Variants in KLHL4 observed in about 807,000 individuals in gnomAD.
KLHL4 encodes the protein kelch-like protein 4.
KLHL4 carries 17 observed loss-of-function variants against 45.8 expected under a neutral mutation model. The ratio of observed to expected loss-of-function variants is 0.37; its 90% CI spans 0.25 to 0.56. The LOEUF is 0.56. Among genes scored for constraint, KLHL4 ranks in the 20% least tolerant of loss-of-function variants. The pLI is 0.79. For synonymous variants in KLHL4, 224 were observed against 189.9 expected, an observed-to-expected ratio of 1.18 and a Z score of -1.47; for missense variants, 544 against 544.9, an observed-to-expected ratio of 1.00 and a Z score of 0.02.
rs879238810 is a variant in KLHL4, at chrX:87,667,591, T to TA, written c.*1070dup. The TA allele has an allele frequency of 0.056, 23,215 of 418,154 alleles. 1 individual carries two copies. Among genetic ancestry groups the TA allele is most frequent in the Non-Finnish European group, 0.062 (21,263 of 340,946 alleles). The allele number at this position is 418,154 out of a possible 1,213,427, so 34.5% of individuals were successfully genotyped here. ...AAAATGTTAGGATATGTGTGCTATA[T>TA]AAAAAAAAAAAAAGACTTGTTAAGT... is the stretch of plus-strand genomic sequence containing the variant. On this transcript the variant is annotated 3_prime_UTR_variant, in exon 11 of 11. Transcript: ENST00000373119.
At chrX:87,546,274 G>A (rs192422753) in intron 1 of KLHL4, among the ~76,000 whole-genome samples, 3 of 111,501 alleles carry the variant, frequency 2.7e-5, no homozygotes, top group East Asian at 5.7e-4. Context: ...GCTTTGGGTA[G>A]CCTGACAGCT....
rs1921316033 is a variant in KLHL4, at chrX:87,582,473, C to T, written c.423-31404C>T. On this transcript the variant is annotated intron_variant, in intron 1 of 10. Transcript: ENST00000373119. ...AACCAGAACAAAGTCAGCTGATGGC[C>T]GTTCAGAAAGGGAACATTTAAACCA... is the stretch of plus-strand genomic sequence containing the variant. 2.7e-5 allele frequency among the ~76,000 whole-genome samples: 3 copies of T among 111,535 alleles called. No homozygotes were observed. In the Admixed American group the frequency reaches 2.8e-4, roughly 11 times the overall value.
intron 5 of KLHL4, among the ~76,000 whole-genome samples, chrX:87,623,786 C>T (rs764735517): frequency 1.1e-3 from 119 of 111,393 alleles, no homozygotes; most frequent in Admixed American, 2.6e-3. Flanking sequence ...AATTTTAGAT[C>T]CAGGGTTCTA....
rs182396532 is a variant in KLHL4, at chrX:87,595,167, C to T, written c.423-18710C>T. 3.6e-3 allele frequency among the ~76,000 whole-genome samples: 403 copies of T among 110,833 alleles called. 4 individuals carry two copies. The South Asian group carries it at 0.052, about 14-fold the overall frequency. On this transcript the variant is annotated intron_variant, in intron 1 of 10. Coordinates refer to ENST00000373119, the MANE Select transcript of KLHL4 (RefSeq NM_019117.5). Reference sequence around the variant, plus strand: ...GTATATCTCCTAATGCTATCCCTGCCCCCTCCCCCAACCCCACAACAGGCC... The same window carrying T: ...GTATATCTCCTAATGCTATCCCTGCTCCCTCCCCCAACCCCACAACAGGCC...
intron 5 of KLHL4, among the ~76,000 whole-genome samples, chrX:87,625,092 C>A (rs1479534240): frequency 8.9e-6 from 1 of 112,706 alleles, no homozygotes; most frequent in Non-Finnish European, 1.9e-5. Flanking sequence ...TTCAGCAATA[C>A]TTTCTATGAG....
intron 9 of KLHL4, among the ~76,000 whole-genome samples, chrX:87,638,308 G>C (rs1923336417): frequency 8.9e-6 from 1 of 111,801 alleles, no homozygotes; most frequent in Non-Finnish European, 1.9e-5. Context: ...GGCCTTGCTA[G>C]AGATCTAGAC....
chrX:87,590,300 C>T (rs1385406762), intron 1 of KLHL4, among the ~76,000 whole-genome samples: 1 of 109,222 alleles, frequency 9.2e-6, no homozygotes. Context: ...TAAAATCAGC[C>T]AAACCCCCCC....
chrX:87,624,296 T>C (rs966354742), intron 5 of KLHL4, among the ~76,000 whole-genome samples: 1 of 112,166 alleles, frequency 8.9e-6, no homozygotes, highest in Non-Finnish European at 1.9e-5. Context: ...ATAGGCAATG[T>C]CATGCAAATA....
intron 1 of KLHL4, among the ~76,000 whole-genome samples, chrX:87,597,687 A>G (rs867772322): frequency 6.3e-5 from 7 of 111,694 alleles, no homozygotes; most frequent in African/African-American, 2.3e-4. Flanking sequence ...ACTAAGGGCT[A>G]TACTAGGTGG....
intron 9 of KLHL4, among the ~76,000 whole-genome samples, chrX:87,637,751 C>T (rs781501520): frequency 9.0e-6 from 1 of 111,079 alleles, no homozygotes; most frequent in Non-Finnish European, 1.9e-5. Context: ...GAGTTTGAGA[C>T]CAGCCTGGCC....
chrX:87,619,376 G>C (rs1391439172), intron 4 of KLHL4, among the ~76,000 whole-genome samples: 1 of 110,988 alleles, frequency 9.0e-6, no homozygotes, highest in Non-Finnish European at 1.9e-5. Flanking sequence ...TCCCACCCTA[G>C]GTCCATTGCT....
chrX:87,667,212 T>A lies in KLHL4; in HGVS notation c.*678T>A, dbSNP rs368208304. 1.4e-6 allele frequency: 1 copy of A among 718,199 alleles called. No individual in the cohort carries two copies. The highest frequency in any genetic ancestry group is 2.3e-5 in the African/African-American group (1 of 42,566). The allele number at this position is 718,199 out of a possible 1,213,427, so 59.2% of individuals were successfully genotyped here. Reference sequence around the variant, plus strand: ...TGGTATTTCTTAACATATTATCTTGTTAGATTTGTTACCAGTAAAATATTA... The same window carrying A: ...TGGTATTTCTTAACATATTATCTTGATAGATTTGTTACCAGTAAAATATTA... On this transcript the variant is annotated 3_prime_UTR_variant, in exon 11 of 11. Transcript: ENST00000373119.
intron 1 of KLHL4, among the ~76,000 whole-genome samples, chrX:87,613,012 T>C (rs1364605957): frequency 9.0e-6 from 1 of 111,445 alleles, no homozygotes; most frequent in Non-Finnish European, 1.9e-5. Flanking sequence ...TGACTGAAGA[T>C]TTAAAGAGTG....
intron 9 of KLHL4, among the ~76,000 whole-genome samples, chrX:87,657,307 C>T (rs1182148090): frequency 1.8e-5 from 2 of 112,208 alleles, no homozygotes; most frequent in Non-Finnish European, 3.8e-5. Context: ...TCCTCAGCAC[C>T]ATGAAGAGGG....
rs1325051927 is a variant in KLHL4 at position 87,621,550 on chromosome X, C to T, written c.925-661C>T. Among the ~76,000 whole-genome samples the T allele has an allele frequency of 4.7e-5, 5 of 105,759 alleles. No individual in the cohort carries two copies. The East Asian group carries it at 8.8e-4, about 19-fold the overall frequency. The allele number at this position is 105,759 out of a possible 115,157, so 91.8% of individuals were successfully genotyped here. A position where few individuals can be genotyped will look rare whatever the true frequency, so the allele number is the denominator to read the frequency against. ...AAAAAAAAAATACGAAAATATTAGC[C>T]GGGGATAATATATAAATTTAAAAGA... On this transcript the variant is annotated intron_variant, in intron 4 of 10. Coordinates refer to ENST00000373119, the MANE Select transcript of KLHL4 (RefSeq NM_019117.5).
intron 1 of KLHL4, among the ~76,000 whole-genome samples, chrX:87,600,806 G>A (rs1397245487): frequency 8.9e-6 from 1 of 111,811 alleles, no homozygotes; most frequent in East Asian, 2.8e-4. Flanking sequence ...TTATTTCAGT[G>A]AGAAATACTG....
chrX:87,656,471 A>G (rs1430039742), intron 9 of KLHL4, among the ~76,000 whole-genome samples: 2 of 107,933 alleles, frequency 1.9e-5, no homozygotes, highest in African/African-American at 6.7e-5. Context: ...GGTCTAGTCT[A>G]TCGTTGAAGA....
intron 9 of KLHL4, among the ~76,000 whole-genome samples, chrX:87,637,607 G>C (rs1923309487): frequency 9.0e-6 from 1 of 111,425 alleles, no homozygotes; most frequent in South Asian, 3.7e-4. Flanking sequence ...ATAAAATCAT[G>C]TAGAATATGA....
chrX:87,644,502 C>T lies in KLHL4; in HGVS notation c.1925+8727C>T, dbSNP rs545334888. 1.4e-3 allele frequency among the ~76,000 whole-genome samples: 156 copies of T among 110,720 alleles called. 1 individual carries two copies. In the South Asian group the frequency reaches 0.016, roughly 11 times the overall value. Reference sequence around the variant, plus strand: ...TGCCAAAAGCAGTCTACAAATTCAACGCAGTCCCCACCAAAATAGCACCAT... The same window carrying T: ...TGCCAAAAGCAGTCTACAAATTCAATGCAGTCCCCACCAAAATAGCACCAT... On this transcript the variant is annotated intron_variant, in intron 9 of 10. Coordinates refer to ENST00000373119, the MANE Select transcript of KLHL4 (RefSeq NM_019117.5).
Sources: allele counts gnomAD v4.1 joint callset (sites outside exome capture counted in the v4.1 genomes callset), GRCh38; gene constraint gnomAD v4.1.1; transcripts MANE v1.5; gene names NCBI Gene and HGNC (gene_info 2026-07-23, HGNC 2026-07-21).